Variants in NRXN1 observed in about 807,000 individuals in gnomAD.
NRXN1 encodes the protein neurexin-1.
A neutral mutation model predicts 150.9 loss-of-function variants in NRXN1; 39 were observed. The observed-to-expected ratio is 0.26, with a 90% CI of 0.20 to 0.34. The LOEUF is 0.34. NRXN1 is among the 10% of genes least tolerant of loss of function. The probability of loss-of-function intolerance (pLI) is 1.00; values close to 1 mark genes in which losing one functional copy is unlikely to be tolerated. For synonymous variants in NRXN1, 924 were observed against 757.0 expected (o/e 1.22, Z -3.62); for missense variants, 1,815 against 1,949.9 (o/e 0.93, Z 1.30).
At chr2:50,495,373 TGTGTGTG>T (rs1428229859) in intron 15 of NRXN1, among the ~76,000 whole-genome samples, 4 of 6,942 alleles carry the variant, frequency 5.8e-4, no homozygotes, top group African/African-American at 2.2e-3. Flanking sequence ...TGTGTGTGTG[TGTGTGTG>T]GTGTGTGTGT....
intron 17 of NRXN1, among the ~76,000 whole-genome samples, chr2:50,404,511 G>C (rs986886087): frequency 6.6e-5 from 10 of 152,046 alleles, no homozygotes; most frequent in Admixed American, 1.3e-4. Context: ...GAGTTTTAGG[G>C]TTGAAGTGGG....
intron 18 of NRXN1, among the ~76,000 whole-genome samples, chr2:50,112,019 A>G (rs936439790): frequency 2.0e-5 from 3 of 151,684 alleles, no homozygotes; most frequent in Admixed American, 6.6e-5. Flanking sequence ...AAATTGTCTG[A>G]GTTTTTTTTT....
intron 17 of NRXN1, among the ~76,000 whole-genome samples, chr2:50,457,904 C>G (rs1406536779): frequency 6.6e-6 from 1 of 152,058 alleles, no homozygotes; most frequent in Non-Finnish European, 1.5e-5. Flanking sequence ...TTAGTACAAC[C>G]ACTATGGAGA....
intron 18 of NRXN1, among the ~76,000 whole-genome samples, chr2:50,163,185 T>TATATAA (rs1491359354): frequency 6.8e-6 from 1 of 146,432 alleles, no homozygotes; most frequent in Non-Finnish European, 1.5e-5. Context: ...TATATATATA[T>TATATAA]AAAACAATAC....
intron 5 of NRXN1, among the ~76,000 whole-genome samples, chr2:50,650,180 G>C (rs1197132549): frequency 3.9e-5 from 6 of 152,056 alleles, no homozygotes; most frequent in Admixed American, 3.3e-4. Context: ...TGGTGAGGTA[G>C]TTAGGAAAAT....
intron 17 of NRXN1, among the ~76,000 whole-genome samples, chr2:50,308,491 G>A (rs1309177781): frequency 2.0e-5 from 3 of 151,596 alleles, no homozygotes; most frequent in African/African-American, 4.8e-5. Context: ...CAACTTCCAC[G>A]TAAGTTTTTA....
At chr2:49,995,708 G>A (rs1161844316) in intron 21 of NRXN1, among the ~76,000 whole-genome samples, 1 of 149,786 alleles carries the variant, frequency 6.7e-6, no homozygotes, top group South Asian at 2.1e-4. Flanking sequence ...GTAAACCTGG[G>A]AGGCGGAGCT....
intron 5 of NRXN1, among the ~76,000 whole-genome samples, chr2:50,734,328 C>T (rs1698458983): frequency 6.6e-6 from 1 of 152,118 alleles, no homozygotes; most frequent in African/African-American, 2.4e-5. Context: ...AGTAGTGCCT[C>T]TCTTGCCCAG....
intron 17 of NRXN1, among the ~76,000 whole-genome samples, chr2:50,456,724 G>A (rs918372675): frequency 4.0e-5 from 6 of 151,842 alleles, no homozygotes; most frequent in African/African-American, 1.2e-4. Flanking sequence ...AAAATGAGGG[G>A]CCCTTGGTCT....
intron 12 of NRXN1, among the ~76,000 whole-genome samples, chr2:50,523,426 G>C (rs940312667): frequency 6.6e-6 from 1 of 152,100 alleles, no homozygotes; most frequent in Non-Finnish European, 1.5e-5. Flanking sequence ...CTGCTCTCAG[G>C]CATCAAGCAG....
chr2:50,984,682 A>C (rs1697408345), intron 2 of NRXN1, among the ~76,000 whole-genome samples: 1 of 152,108 alleles, frequency 6.6e-6, no homozygotes, highest in Non-Finnish European at 1.5e-5. Context: ...TAAAAGTGAA[A>C]AGTATATTGC....
intron 21 of NRXN1, among the ~76,000 whole-genome samples, chr2:49,953,519 C>T (rs1674352895): frequency 6.6e-6 from 1 of 151,906 alleles, no homozygotes; most frequent in Admixed American, 6.6e-5. Flanking sequence ...GCTGAAACAC[C>T]TCAGTTTAAT....
chr2:50,506,145 T>C (rs774440507), intron 13 of NRXN1, among the ~76,000 whole-genome samples: 1 of 152,108 alleles, frequency 6.6e-6, no homozygotes, highest in Non-Finnish European at 1.5e-5. Context: ...AGTTGTTCAT[T>C]GCCAAAATAT....
chr2:50,727,118 T>A (rs564848589), intron 5 of NRXN1, among the ~76,000 whole-genome samples: 1 of 150,854 alleles, frequency 6.6e-6, no homozygotes, highest in Non-Finnish European at 1.5e-5. Context: ...TTAAAAAAAA[T>A]CTATGAAGCA....
chr2:50,505,250 G>C (rs965167729), intron 13 of NRXN1, among the ~76,000 whole-genome samples: 4 of 151,830 alleles, frequency 2.6e-5, no homozygotes, highest in Non-Finnish European at 4.4e-5. Flanking sequence ...AATAAACGTA[G>C]GTTCTCTCCT....
chr2:51,028,932 T>G lies in NRXN1; in HGVS notation c.-659A>C, dbSNP rs1671059806. On this transcript the variant is annotated 5_prime_UTR_variant, in exon 2 of 23. Coordinates refer to ENST00000401669, the MANE Select transcript of NRXN1 (RefSeq NM_001330078.2). ...CTGCTTCTTCTGTCATAGCATGGGC[T>G]TCAGCACCGCTGCAGCCAAAGCCTA... The G allele has an allele frequency of 6.6e-6, 1 of 152,240 alleles. No homozygotes were observed. Among genetic ancestry groups the G allele is most frequent in the African/African-American group, 2.4e-5 (1 of 41,454 alleles). The allele number at this position is 152,240 out of a possible 1,614,324, so 9.4% of individuals were successfully genotyped here.
intron 21 of NRXN1, among the ~76,000 whole-genome samples, chr2:50,048,377 G>C (rs988626486): frequency 6.6e-6 from 1 of 151,950 alleles, no homozygotes; most frequent in African/African-American, 2.4e-5. Context: ...TGGTTATCAG[G>C]AACATATATA....
intron 5 of NRXN1, among the ~76,000 whole-genome samples, chr2:50,701,932 T>C (rs1022780123): frequency 1.3e-5 from 2 of 152,268 alleles, no homozygotes; most frequent in Admixed American, 6.5e-5. Flanking sequence ...TGCTTGTCCA[T>C]TGTTGCTTTT....
At chr2:50,531,120 A>T in intron 11 of NRXN1, 107 bp downstream of exon 11, 3 of 798,948 alleles carry the variant, frequency 3.8e-6, no homozygotes, top group South Asian at 1.8e-5. Flanking sequence ...TAAGACCATT[A>T]AGTGTTTTAA....
Sources: allele counts gnomAD v4.1 joint callset (sites outside exome capture counted in the v4.1 genomes callset), GRCh38; gene constraint gnomAD v4.1.1; transcripts MANE v1.5; gene names NCBI Gene and HGNC (gene_info 2026-07-23, HGNC 2026-07-21).